The following CTNNA3 variants were observed in gnomAD, a reference collection of about 807,000 sequenced individuals.
CTNNA3 encodes the protein catenin alpha-3.
Under a neutral mutation model 95.7 loss-of-function variants are expected in CTNNA3, and 76 were observed. That is an observed-to-expected ratio of 0.79 (90% CI 0.66 to 0.96). The LOEUF (loss-of-function observed/expected upper bound fraction) is 0.96, where lower values mean the gene tolerates loss of function less well. Among genes scored for constraint, CTNNA3 ranks in the 40% least tolerant of loss-of-function variants. The probability of loss-of-function intolerance (pLI) is 0.00; values close to 1 mark genes in which losing one functional copy is unlikely to be tolerated. For synonymous variants in CTNNA3, 431 were observed against 374.4 expected (o/e 1.15, Z -1.74); for missense variants, 1,191 against 1,089.8 (o/e 1.09, Z -1.31).
chr10:66,250,778 C>T (rs1213357481), intron 13 of CTNNA3, among the ~76,000 whole-genome samples: 1 of 152,164 alleles, frequency 6.6e-6, no homozygotes, highest in Non-Finnish European at 1.5e-5. Context: ...TTAATTTATG[C>T]TTCTTCCTAG....
intron 7 of CTNNA3, among the ~76,000 whole-genome samples, chr10:67,072,291 G>A (rs887680224): frequency 6.6e-5 from 10 of 152,152 alleles, no homozygotes; most frequent in African/African-American, 1.9e-4. Flanking sequence ...TTCTCCAATC[G>A]AATTTTCTTT....
intron 5 of CTNNA3, among the ~76,000 whole-genome samples, chr10:67,364,432 C>T (rs992757733): frequency 6.6e-5 from 10 of 152,220 alleles, no homozygotes; most frequent in South Asian, 4.1e-4. Context: ...TGCCCTCTCT[C>T]ACCACTCCTA....
chr10:66,868,614 AGGGGT>A (rs1297222803), intron 7 of CTNNA3, among the ~76,000 whole-genome samples: 1 of 151,112 alleles, frequency 6.6e-6, no homozygotes, highest in Non-Finnish European at 1.5e-5. Flanking sequence ...AGCCAGGCAT[AGGGGT>A]GGGTGCCTGT....
intron 6 of CTNNA3, among the ~76,000 whole-genome samples, chr10:67,184,002 A>T (rs1862713289): frequency 6.6e-6 from 1 of 152,158 alleles, no homozygotes; most frequent in East Asian, 1.9e-4. Flanking sequence ...GGACTGTAAC[A>T]TGGAAGCCTA....
At chr10:66,368,636 G>T (rs1391106691) in intron 12 of CTNNA3, among the ~76,000 whole-genome samples, 2 of 151,696 alleles carry the variant, frequency 1.3e-5, no homozygotes, top group Admixed American at 1.3e-4. Flanking sequence ...GTGGAGATAC[G>T]GCAAATACAT....
intron 7 of CTNNA3, among the ~76,000 whole-genome samples, chr10:66,973,119 TG>T (rs1159076398): frequency 1.3e-5 from 2 of 152,200 alleles, no homozygotes; most frequent in African/African-American, 4.8e-5. Context: ...TAAGATCAAA[TG>T]AACAGTTCTT....
chr10:66,989,636 A>G lies in CTNNA3; in HGVS notation c.1047+190681T>C, dbSNP rs140760800. On this transcript the variant is annotated intron_variant, in intron 7 of 17. Transcript: ENST00000433211. ...TATACATACTGAAAGAACTTTTTCT[A>G]TATATGAGTGAATAGCTTACCTAAC... is the stretch of plus-strand genomic sequence containing the variant. 3.0e-4 allele frequency among the ~76,000 whole-genome samples: 45 copies of G among 152,274 alleles called. 2 individuals are homozygous for G. In the East Asian group the frequency reaches 8.5e-3, roughly 29 times the overall value.
At chr10:66,439,428 G>T (rs960346234) in intron 11 of CTNNA3, among the ~76,000 whole-genome samples, 1 of 152,238 alleles carries the variant, frequency 6.6e-6, no homozygotes, top group East Asian at 1.9e-4. Flanking sequence ...CACAAATTTT[G>T]TAGAGAGTAG....
intron 11 of CTNNA3, among the ~76,000 whole-genome samples, chr10:66,384,751 A>G (rs577224622): frequency 7.9e-5 from 12 of 152,354 alleles, no homozygotes; most frequent in African/African-American, 2.4e-4. Flanking sequence ...CTCTCAGACC[A>G]CAGTGCCATC....
At chr10:66,310,500 C>G (rs988966360) in intron 12 of CTNNA3, among the ~76,000 whole-genome samples, 1 of 152,076 alleles carries the variant, frequency 6.6e-6, no homozygotes, top group Non-Finnish European at 1.5e-5. Flanking sequence ...GGGTACATTC[C>G]ATCAAGTGTG....
chr10:67,629,202 T>C (rs1009293468), intron 2 of CTNNA3, among the ~76,000 whole-genome samples: 1 of 152,176 alleles, frequency 6.6e-6, no homozygotes, highest in African/African-American at 2.4e-5. Context: ...TTCCCCTGTG[T>C]TATGCACACT....
chr10:66,990,281 G>C (rs1850971602), intron 7 of CTNNA3, among the ~76,000 whole-genome samples: 2 of 152,118 alleles, frequency 1.3e-5, no homozygotes, highest in Non-Finnish European at 2.9e-5. Flanking sequence ...ACACTGTAGT[G>C]CTGTGGCCAG....
At chr10:66,996,519 G>A (rs1212890474) in intron 7 of CTNNA3, among the ~76,000 whole-genome samples, 3 of 151,768 alleles carry the variant, frequency 2.0e-5, no homozygotes, top group African/African-American at 4.8e-5. Flanking sequence ...GTGGTGGCGC[G>A]TGCCTGTAGT....
At chr10:66,549,079 C>A (rs970902356) in intron 10 of CTNNA3, among the ~76,000 whole-genome samples, 5 of 149,400 alleles carry the variant, frequency 3.3e-5, no homozygotes, top group Non-Finnish European at 3.0e-5. Context: ...AGCTCCGGTT[C>A]CCGGGTTGAC....
At chr10:65,951,954 CG>C (rs771198494) in intron 17 of CTNNA3, among the ~76,000 whole-genome samples, 1 of 141,266 alleles carries the variant, frequency 7.1e-6, no homozygotes, top group African/African-American at 2.7e-5. Context: ...GGCATGAACC[CG>C]GGAGGCGGAG....
At chr10:66,751,257 G>C (rs1839126819) in intron 9 of CTNNA3, among the ~76,000 whole-genome samples, 1 of 151,850 alleles carries the variant, frequency 6.6e-6, no homozygotes, top group Non-Finnish European at 1.5e-5. Context: ...GACAGAGTGA[G>C]ACTATCTTGA....
intron 10 of CTNNA3, among the ~76,000 whole-genome samples, chr10:66,597,543 T>TATAA (rs1843759844): frequency 7.7e-6 from 1 of 130,258 alleles, no homozygotes; most frequent in Admixed American, 7.5e-5. Flanking sequence ...TATATATATA[T>TATAA]ATATATATAT....
chr10:67,702,214 C>G (rs911970778), intron 1 of CTNNA3, among the ~76,000 whole-genome samples: 1 of 152,062 alleles, frequency 6.6e-6, no homozygotes, highest in African/African-American at 2.4e-5. Context: ...TTAGACAGAT[C>G]AACGAGACAG....
intron 11 of CTNNA3, among the ~76,000 whole-genome samples, chr10:66,400,867 A>G (rs1277908273): frequency 6.6e-6 from 1 of 152,106 alleles, no homozygotes; most frequent in East Asian, 1.9e-4. Context: ...ATGCCTTACT[A>G]GTATAATTGG....
Sources: gnomAD v4.1 joint callset for allele counts (sites outside exome capture counted in the v4.1 genomes callset) on GRCh38, gnomAD v4.1.1 for gene constraint, MANE v1.5 for transcripts, NCBI Gene and HGNC (gene_info 2026-07-23, HGNC 2026-07-21) for gene names.